C1orf21: variants seen among roughly 807,000 people sequenced by gnomAD.
C1orf21 encodes uncharacterized protein C1orf21.
C1orf21 carries 3 observed loss-of-function variants against 18.7 expected under a neutral mutation model. That is an observed-to-expected ratio of 0.16 (90% CI 0.07 to 0.42). The LOEUF is 0.42. C1orf21 is among the 10% of genes least tolerant of loss of function. C1orf21 has a pLI of 0.99. For missense variants in C1orf21, 104 were observed against 143.6 expected (o/e 0.72, Z 1.41); for synonymous variants, 41 against 46.4 (o/e 0.88, Z 0.47).
chr1:184,608,716 A>C (rs1313229046), intron 5 of C1orf21, among the ~76,000 whole-genome samples: 2 of 152,176 alleles, frequency 1.3e-5, no homozygotes, highest in Non-Finnish European at 2.9e-5. Flanking sequence ...CAAAGTGCTC[A>C]TTCCCAGAAA....
intron 1 of C1orf21, among the ~76,000 whole-genome samples, chr1:184,423,834 C>T (rs1656585579): frequency 6.6e-6 from 1 of 151,410 alleles, no homozygotes; most frequent in Non-Finnish European, 1.5e-5. Context: ...ACCCATCCAT[C>T]CCTCCACTCA....
At chr1:184,460,650 T>G (rs978442828) in intron 1 of C1orf21, among the ~76,000 whole-genome samples, 8 of 148,026 alleles carry the variant, frequency 5.4e-5, no homozygotes, top group South Asian at 4.3e-4. Flanking sequence ...CTTCTTCTTC[T>G]TCTTCTTCTT....
intron 3 of C1orf21, among the ~76,000 whole-genome samples, chr1:184,538,923 C>T (rs1190512593): frequency 6.6e-6 from 1 of 152,186 alleles, no homozygotes; most frequent in Non-Finnish European, 1.5e-5. Context: ...GTTTTCCAAA[C>T]ATAAGATTAT....
rs1553258321 is a variant in C1orf21, at chr1:184,593,291, G to GTGTGTACACACACATGTGTGTA, written c.266+2479_266+2480insGTACACACACATGTGTGTATGT. Among the ~76,000 whole-genome samples, 6 of 150,664 alleles carry GTGTGTACACACACATGTGTGTA rather than the reference G, an allele frequency of 4.0e-5. No individual in the cohort carries two copies. The East Asian group carries it at 7.8e-4, about 20-fold the overall frequency. ...CATGCTTGTGTGTGTGTGTGTGTGTGTGTACACACACATGTGTGTATGTAT... is the reference window on the plus strand; with the variant it reads ...CATGCTTGTGTGTGTGTGTGTGTGTGTGTGTACACACACATGTGTGTATGTACACACACATGTGTGTATGTAT... On this transcript the variant is annotated intron_variant, in intron 4 of 5. Transcript: ENST00000235307.
chr1:184,584,800 G>A (rs893184070), intron 3 of C1orf21, among the ~76,000 whole-genome samples: 1 of 152,210 alleles, frequency 6.6e-6, no homozygotes, highest in Admixed American at 6.5e-5. Context: ...ATTATGCCAA[G>A]TGAAAAATGC....
chr1:184,432,529 GC>G (rs1236661913), intron 1 of C1orf21, among the ~76,000 whole-genome samples: 2 of 152,164 alleles, frequency 1.3e-5, no homozygotes, highest in Non-Finnish European at 2.9e-5. Flanking sequence ...CAGGGTAGGG[GC>G]TAGGGGAGGG....
At chr1:184,454,889 A>G (rs1250214002) in intron 1 of C1orf21, among the ~76,000 whole-genome samples, 1 of 152,176 alleles carries the variant, frequency 6.6e-6, no homozygotes, top group East Asian at 1.9e-4. Flanking sequence ...TATATATAAT[A>G]GAGAATGGAT....
intron 3 of C1orf21, among the ~76,000 whole-genome samples, chr1:184,544,973 G>A (rs1216440940): frequency 2.0e-5 from 3 of 152,152 alleles, no homozygotes; most frequent in Admixed American, 1.3e-4. Context: ...AGAGACAGAG[G>A]GAGCCAGTCA....
intron 5 of C1orf21, among the ~76,000 whole-genome samples, chr1:184,618,787 A>G (rs1215990959): frequency 2.6e-5 from 4 of 152,218 alleles, no homozygotes; most frequent in African/African-American, 9.6e-5. Flanking sequence ...GTGATGGGTT[A>G]CAGACCAAGA....
chr1:184,449,172 T>C (rs1399365683), intron 1 of C1orf21, among the ~76,000 whole-genome samples: 1 of 152,018 alleles, frequency 6.6e-6, no homozygotes, highest in East Asian at 1.9e-4. Context: ...TTACATTAGG[T>C]GTATCTCCTA....
intron 3 of C1orf21, among the ~76,000 whole-genome samples, chr1:184,565,279 A>G (rs915556957): frequency 5.5e-4 from 83 of 152,250 alleles, no homozygotes; most frequent in African/African-American, 1.9e-3. Context: ...AATATCCACC[A>G]TGTTCCAGGT....
intron 1 of C1orf21, among the ~76,000 whole-genome samples, chr1:184,457,265 T>C (rs867434619): frequency 6.6e-6 from 1 of 152,182 alleles, no homozygotes; most frequent in African/African-American, 2.4e-5. Context: ...ATTCAACAAA[T>C]ACTTACTGAG....
intron 3 of C1orf21, chr1:184,566,636 C>T: frequency 2.6e-6 from 1 of 385,738 alleles, no homozygotes; most frequent in Non-Finnish European, 5.1e-6. Context: ...GGTCACAGCT[C>T]TTTTGGGGCA....
At chr1:184,449,318 C>A (rs879376973) in intron 1 of C1orf21, among the ~76,000 whole-genome samples, 3 of 151,444 alleles carry the variant, frequency 2.0e-5, no homozygotes, top group Non-Finnish European at 4.4e-5. Context: ...TTTGTCCTTG[C>A]GATAGTTTGC....
In C1orf21 at chr1:184,390,592, T is replaced by C. The variant is rs1655956916; in HGVS notation, c.-125+3224T>C. Among the ~76,000 whole-genome samples the C allele has an allele frequency of 3.3e-5, 5 of 152,232 alleles. No homozygotes were observed. The South Asian group carries it at 1.0e-3, about 32-fold the overall frequency. ...AAATATACATCTCCTAAAAATACTA[T>C]TTTGGAAATGGATATAGTGAAGCCT... On this transcript the variant is annotated intron_variant, in intron 1 of 5. Coordinates refer to ENST00000235307, the MANE Select transcript of C1orf21 (RefSeq NM_030806.4).
At chr1:184,442,457 A>C (rs557143399) in intron 1 of C1orf21, among the ~76,000 whole-genome samples, 32 of 152,224 alleles carry the variant, frequency 2.1e-4, no homozygotes, top group South Asian at 8.3e-4. Context: ...TAAAATGTCC[A>C]GCTCTAATTG....
chr1:184,579,864 A>G (rs1289040545), intron 3 of C1orf21, among the ~76,000 whole-genome samples: 1 of 152,142 alleles, frequency 6.6e-6, no homozygotes, highest in Non-Finnish European at 1.5e-5. Context: ...TTAAAATTAG[A>G]AAACAAAAAG....
intron 1 of C1orf21, among the ~76,000 whole-genome samples, chr1:184,429,197 C>T (rs1172909024): frequency 3.3e-5 from 5 of 152,088 alleles, no homozygotes; most frequent in South Asian, 2.1e-4. Flanking sequence ...TTTATAGCAC[C>T]ACTTGTAGAA....
chr1:184,594,901 C>T (rs959924642), intron 4 of C1orf21, among the ~76,000 whole-genome samples: 5 of 152,168 alleles, frequency 3.3e-5, no homozygotes, highest in Non-Finnish European at 5.9e-5. Flanking sequence ...ACACCAAAAG[C>T]GAAAGCCCCA....
Sources: allele counts gnomAD v4.1 joint callset (sites outside exome capture counted in the v4.1 genomes callset), GRCh38; gene constraint gnomAD v4.1.1; transcripts MANE v1.5; gene names NCBI Gene and HGNC (gene_info 2026-07-23, HGNC 2026-07-21).